The following LMX1B variants were observed in gnomAD, a reference collection of about 807,000 sequenced individuals.
The protein encoded by LMX1B is LIM homeobox transcription factor 1-beta.
A neutral mutation model predicts 51.4 loss-of-function variants in LMX1B; 12 were observed. The ratio of observed to expected loss-of-function variants is 0.23; its 90% CI spans 0.15 to 0.38. LMX1B has a LOEUF of 0.38. LMX1B is among the 10% of genes least tolerant of loss of function. The pLI is 1.00. For missense variants in LMX1B, 445 were observed against 571.1 expected (o/e 0.78, Z 2.25); for synonymous variants, 237 against 235.4 (o/e 1.01, Z -0.06).
Position 126,618,351 on chromosome 9 carries a change from T to C in LMX1B, c.326+2782T>C, listed in dbSNP as rs1397966462. 1.3e-5 allele frequency among the ~76,000 whole-genome samples: 2 copies of C among 152,236 alleles called. No homozygotes were observed. The highest frequency in any genetic ancestry group is 2.1e-4 in the South Asian group (1 of 4,834). On this transcript the variant is annotated intron_variant, in intron 2 of 7. Transcript: ENST00000373474. This position sits in a 1 kb window ranked among gnomAD's most constrained non-coding sequence, Gnocchi z 4.5. Reference sequence around the variant, plus strand: ...ATCCCAGACACCCAGAAGTGCCAAGTTGTCTTACGCACCACGGGGGTGATT... The same window carrying C: ...ATCCCAGACACCCAGAAGTGCCAAGCTGTCTTACGCACCACGGGGGTGATT...
chr9:126,630,801 C>T (rs1367911194), intron 2 of LMX1B, among the ~76,000 whole-genome samples: 3 of 152,282 alleles, frequency 2.0e-5, no homozygotes, highest in Non-Finnish European at 4.4e-5. Context: ...GGTCTGCCCT[C>T]CTGCCCAGGA....
intron 6 of LMX1B, among the ~76,000 whole-genome samples, chr9:126,694,781 G>C (rs1406116530): frequency 6.6e-6 from 1 of 152,164 alleles, no homozygotes; most frequent in Non-Finnish European, 1.5e-5. Context: ...TCCTGGGGCT[G>C]CAGTCACTGC....
rs1190838619 is a variant in LMX1B at position 126,695,767 on chromosome 9, AG to A, written c.887-68del. On this transcript the variant is annotated intron_variant, in intron 6 of 7. Coordinates refer to ENST00000373474, the MANE Select transcript of LMX1B (RefSeq NM_001174147.2). The surrounding 1 kb of genome is among the most constrained non-coding windows in gnomAD (Gnocchi z 5.2). ...CCTGGGGAGTCCCAAGGAGATCAGA[AG>A]GGGAGGCTGCTGGGGTGTAGCTGGG... The A allele has an allele frequency of 4.7e-5, 74 of 1,568,496 alleles. No individual in the cohort carries two copies. The highest frequency in any genetic ancestry group is 6.5e-5 in the Non-Finnish European group (74 of 1,147,190).
chr9:126,639,873 T>A (rs1835776629), intron 2 of LMX1B, among the ~76,000 whole-genome samples: 1 of 152,250 alleles, frequency 6.6e-6, no homozygotes, highest in Non-Finnish European at 1.5e-5. Flanking sequence ...GCAGGGCCTC[T>A]CCAGGGACGG....
rs114817783 is a variant in LMX1B at position 126,652,694 on chromosome 9, T to C, written c.326+37125T>C. Among the ~76,000 whole-genome samples the C allele has an allele frequency of 4.0e-3, 613 of 152,316 alleles. 4 individuals are homozygous for C. The highest frequency in any genetic ancestry group is 0.014 in the African/African-American group (581 of 41,572). On this transcript the variant is annotated intron_variant, in intron 2 of 7. Coordinates refer to ENST00000373474, the MANE Select transcript of LMX1B (RefSeq NM_001174147.2). ...ACTCAGATCTGGGCCTGGACTGGAC[T>C]GGGCACTGCTTGGCGTCCACATGAT...
intron 2 of LMX1B, among the ~76,000 whole-genome samples, chr9:126,636,316 G>A (rs925075775): frequency 6.6e-6 from 1 of 152,148 alleles, no homozygotes; most frequent in Admixed American, 6.5e-5. Context: ...CTGGAAGAGG[G>A]CTTCCTGGAG....
At position 126,673,411 on chromosome 9, in the gene LMX1B, G is replaced by T. The variant is rs1266737525; in HGVS notation, c.327-17425G>T. On this transcript the variant is annotated intron_variant, in intron 2 of 7. Transcript: ENST00000373474. The surrounding 1 kb of genome is among the most constrained non-coding windows in gnomAD (Gnocchi z 4.4). ...AGGGAGCTGGGCAGATCTGAGAGCC[G>T]CACAGGAGGCCAGTGGGGTCAAGCT... Among the ~76,000 whole-genome samples the T allele has an allele frequency of 6.6e-6, 1 of 152,154 alleles. No individual in the cohort carries two copies. The highest frequency in any genetic ancestry group is 1.5e-5 in the Non-Finnish European group (1 of 68,030).
intron 2 of LMX1B, among the ~76,000 whole-genome samples, chr9:126,627,848 T>C: frequency 6.6e-6 from 1 of 152,172 alleles, no homozygotes; most frequent in East Asian, 1.9e-4. Context: ...AGCTGCACGC[T>C]ACCAGGCTTG....
intron 2 of LMX1B, among the ~76,000 whole-genome samples, 163 bp from the exon 3 acceptor site, chr9:126,690,673 G>C (rs1405155220): frequency 3.9e-5 from 6 of 152,206 alleles, no homozygotes; most frequent in African/African-American, 1.4e-4. Flanking sequence ...AGAAGAATAG[G>C]GCTGCAGGGC....
At chr9:126,680,607 A>G (rs1389312936) in intron 2 of LMX1B, among the ~76,000 whole-genome samples, 1 of 152,150 alleles carries the variant, frequency 6.6e-6, no homozygotes, top group African/African-American at 2.4e-5. Context: ...TCAAAAAGGT[A>G]CCTGGGACTA....
intron 2 of LMX1B, among the ~76,000 whole-genome samples, chr9:126,666,635 C>A (rs866010985): frequency 6.6e-6 from 1 of 152,196 alleles, no homozygotes; most frequent in African/African-American, 2.4e-5. Flanking sequence ...GCTTTACGTA[C>A]GCATGTTCTA....
At chr9:126,686,261 CAG>C (rs1836766388) in intron 2 of LMX1B, among the ~76,000 whole-genome samples, 1 of 125,104 alleles carries the variant, frequency 8.0e-6, no homozygotes, top group Non-Finnish European at 1.6e-5. Flanking sequence ...GCCTGGGCAA[CAG>C]AGTGAGACTC....
At chr9:126,648,923 C>T (rs753462489) in intron 2 of LMX1B, among the ~76,000 whole-genome samples, 4 of 152,134 alleles carry the variant, frequency 2.6e-5, no homozygotes, top group Admixed American at 1.3e-4. Flanking sequence ...CAGGCCATGC[C>T]GCACGGGAAG....
chr9:126,662,131 C>T (rs1010349813), intron 2 of LMX1B, among the ~76,000 whole-genome samples: 3 of 152,216 alleles, frequency 2.0e-5, no homozygotes, highest in Non-Finnish European at 4.4e-5. Context: ...CCAGTCCCTG[C>T]TTTGCTGTTT....
At chr9:126,659,484 C>T (rs561258303) in intron 2 of LMX1B, among the ~76,000 whole-genome samples, 1 of 152,276 alleles carries the variant, frequency 6.6e-6, no homozygotes, top group Non-Finnish European at 1.5e-5. Context: ...CCCATCCAGC[C>T]TCTCCACACA....
At position 126,614,085 on chromosome 9, in the gene LMX1B, C is replaced by A. The variant is rs1835244777; in HGVS notation, c.-365C>A. Among the ~76,000 whole-genome samples the A allele has an allele frequency of 7.1e-6, 1 of 140,144 alleles. No individual in the cohort carries two copies. The highest frequency in any genetic ancestry group is 1.6e-5 in the Non-Finnish European group (1 of 63,312). 91.9% of individuals were successfully genotyped at this position (140,144 alleles called of 152,430 possible). On this transcript the variant is annotated 5_prime_UTR_variant, in exon 1 of 8. Transcript: ENST00000373474. The stretch of plus-strand genomic sequence containing the variant: ...CCGCGGGGCCGCCCCTGCACCCCCA[C>A]CCCCTCCCCCGCCTGCCGCCGCCGC...
chr9:126,668,040 C>T (rs1039591139), intron 2 of LMX1B, among the ~76,000 whole-genome samples: 2 of 152,078 alleles, frequency 1.3e-5, no homozygotes, highest in Non-Finnish European at 1.5e-5. Context: ...CAGAGCAGGG[C>T]TGGCCAGGGA....
At chr9:126,614,739 A>C in intron 1 of LMX1B, 151 bp downstream of exon 1, 1 of 865,900 alleles carries the variant, frequency 1.2e-6, no homozygotes, top group Non-Finnish European at 1.6e-6. Context: ...AGTGATCGCC[A>C]GAGGGCCGCA....
In LMX1B at chr9:126,614,264, C is replaced by T. The variant is rs1835253487; in HGVS notation, c.-186C>T. On this transcript the variant is annotated 5_prime_UTR_variant, in exon 1 of 8. Coordinates refer to ENST00000373474, the MANE Select transcript of LMX1B (RefSeq NM_001174147.2). ...CGGCGCGGGCTGCAGCCGCCCCGGCCCGCCCGCACGACGCCGGGGCCCGGG... is the reference window on the plus strand; with the variant it reads ...CGGCGCGGGCTGCAGCCGCCCCGGCTCGCCCGCACGACGCCGGGGCCCGGG... 6.8e-6 allele frequency among the ~76,000 whole-genome samples: 1 copy of T among 145,990 alleles called. No individual in the cohort carries two copies. Among genetic ancestry groups the T allele is most frequent in the Admixed American group, 6.8e-5 (1 of 14,722 alleles).
Sources: gnomAD v4.1 joint callset for allele counts (sites outside exome capture counted in the v4.1 genomes callset) on GRCh38, gnomAD v4.1.1 for gene constraint, Gnocchi (gnomAD v3.1) non-coding constraint, MANE v1.5 for transcripts, NCBI Gene and HGNC (gene_info 2026-07-23, HGNC 2026-07-21) for gene names.